RAP1A: variants seen among roughly 807,000 people sequenced by gnomAD.
The protein encoded by RAP1A is RAP1A, member of RAS oncogene family.
A neutral mutation model predicts 26.4 loss-of-function variants in RAP1A; 6 were observed. The observed-to-expected ratio is 0.23, with a 90% CI of 0.12 to 0.45. RAP1A has a LOEUF of 0.45. RAP1A is among the 20% of genes least tolerant of loss of function. The probability of loss-of-function intolerance (pLI) is 0.99; values close to 1 mark genes in which losing one functional copy is unlikely to be tolerated. For missense variants in RAP1A, 121 were observed against 217.2 expected (o/e 0.56, Z 2.78); for synonymous variants, 73 against 79.4 (o/e 0.92, Z 0.43).
At chr1:111,651,472 A>AT (rs1660266506) in intron 1 of RAP1A, among the ~76,000 whole-genome samples, 6 of 137,178 alleles carry the variant, frequency 4.4e-5, no homozygotes, top group Non-Finnish European at 6.3e-5. Context: ...ATATATATAT[A>AT]ATTTTTTTTT....
At chr1:111,629,191 T>C (rs988735517) in intron 1 of RAP1A, among the ~76,000 whole-genome samples, 6 of 152,156 alleles carry the variant, frequency 3.9e-5, no homozygotes, top group African/African-American at 1.4e-4. Context: ...AAGTAAAATA[T>C]AGGAGCAAAA....
intron 1 of RAP1A, among the ~76,000 whole-genome samples, chr1:111,577,141 G>A (rs946887581): frequency 3.3e-5 from 5 of 152,174 alleles, no homozygotes; most frequent in South Asian, 2.1e-4. Context: ...GGTGGCTCAC[G>A]CCTGTAATCC....
intron 1 of RAP1A, among the ~76,000 whole-genome samples, chr1:111,607,569 T>C (rs940475937): frequency 1.1e-4 from 16 of 149,030 alleles, no homozygotes; most frequent in Non-Finnish European, 2.2e-4. Flanking sequence ...GAGGGGCTCC[T>C]CACTTCCCAG....
intron 1 of RAP1A, chr1:111,563,700 C>T: frequency 1.6e-6 from 1 of 620,400 alleles, no homozygotes; most frequent in East Asian, 2.7e-5. Context: ...CTGTGGAATA[C>T]AAATTATCTC....
At chr1:111,649,721 G>C (rs372910701) in intron 1 of RAP1A, among the ~76,000 whole-genome samples, 102 of 152,256 alleles carry the variant, frequency 6.7e-4, no homozygotes, top group African/African-American at 2.3e-3. Context: ...TTAGCAGAGA[G>C]GTTAGTATTT....
At chr1:111,684,498 TAAC>T (rs932839646) in intron 1 of RAP1A, among the ~76,000 whole-genome samples, 4 of 150,760 alleles carry the variant, frequency 2.7e-5, no homozygotes, top group African/African-American at 9.7e-5. Flanking sequence ...TATACACTAA[TAAC>T]AGCCAAATCA....
intron 1 of RAP1A, among the ~76,000 whole-genome samples, chr1:111,681,910 T>C (rs1363109141): frequency 6.6e-6 from 1 of 152,074 alleles, no homozygotes; most frequent in Non-Finnish European, 1.5e-5. Flanking sequence ...TCACCAAGGT[T>C]GAAACGAAGG....
intron 1 of RAP1A, chr1:111,686,474 C>T (rs1661481992): frequency 6.6e-6 from 1 of 151,180 alleles, no homozygotes; most frequent in South Asian, 2.1e-4. Flanking sequence ...GAGTTTGAGA[C>T]TAGCCTGGGC....
chr1:111,600,622 T>C (rs1658653950), intron 1 of RAP1A, among the ~76,000 whole-genome samples: 1 of 152,214 alleles, frequency 6.6e-6, no homozygotes, highest in Non-Finnish European at 1.5e-5. Context: ...AGGACACTGC[T>C]TTGTAGATGG....
At chr1:111,646,609 C>G (rs1039683472) in intron 1 of RAP1A, among the ~76,000 whole-genome samples, 1 of 151,880 alleles carries the variant, frequency 6.6e-6, no homozygotes, top group Non-Finnish European at 1.5e-5. Context: ...GGTGCAATCT[C>G]GGCTCACTGC....
chr1:111,637,554 A>G lies in RAP1A; in HGVS notation c.-28+17620A>G, dbSNP rs1659763051. On this transcript the variant is annotated intron_variant, in intron 1 of 7. Coordinates refer to ENST00000369709, the MANE Select transcript of RAP1A (RefSeq NM_002884.4). The stretch of plus-strand genomic sequence containing the variant: ...TGTTGAGAATGCATGCAATAAGCCA[A>G]AAGAAAAATCACCTTTAATTTTACC... 3.3e-5 allele frequency among the ~76,000 whole-genome samples: 5 copies of G among 152,348 alleles called. No individual in the cohort carries two copies. In the South Asian group the frequency reaches 1.0e-3, roughly 32 times the overall value.
intron 1 of RAP1A, among the ~76,000 whole-genome samples, chr1:111,632,893 C>A (rs1401654047): frequency 7.1e-6 from 1 of 140,594 alleles, no homozygotes; most frequent in African/African-American, 2.7e-5. Flanking sequence ...TGCACTGCAG[C>A]CTGGGCAACA....
At chr1:111,643,869 T>C (rs1266101428) in intron 1 of RAP1A, among the ~76,000 whole-genome samples, 2 of 152,212 alleles carry the variant, frequency 1.3e-5, no homozygotes, top group Non-Finnish European at 2.9e-5. Context: ...AGGAATTGGC[T>C]TATGTGATTG....
At chr1:111,671,961 ACT>A (rs1450883128) in intron 1 of RAP1A, among the ~76,000 whole-genome samples, 5 of 152,086 alleles carry the variant, frequency 3.3e-5, no homozygotes, top group African/African-American at 9.7e-5. Flanking sequence ...TAGAAATTAC[ACT>A]CTGTATGATT....
rs908413284 is a variant in RAP1A at position 111,560,444 on chromosome 1, A to G, written c.-28+17935A>G. 1.4e-4 allele frequency among the ~76,000 whole-genome samples: 17 copies of G among 125,324 alleles called. 1 individual carries two copies. The highest frequency in any genetic ancestry group is 1.6e-5 in the Non-Finnish European group (1 of 63,292). 82.2% of individuals were successfully genotyped at this position (125,324 alleles called of 152,430 possible). ...AATAGACTTTGTGGAACAGATTGAA[A>G]GAAGCCCTTGGTAGCAGGTACACAA... On this transcript the variant is annotated intron_variant, in intron 1 of 7. Transcript: ENST00000356415.
At chr1:111,636,657 A>G (rs1659737951) in intron 1 of RAP1A, among the ~76,000 whole-genome samples, 1 of 151,610 alleles carries the variant, frequency 6.6e-6, no homozygotes, top group Admixed American at 6.6e-5. Context: ...CTAATTTTGT[A>G]TTTTTAGTAG....
chr1:111,650,116 T>C (rs951841004), intron 1 of RAP1A, among the ~76,000 whole-genome samples: 3 of 139,186 alleles, frequency 2.2e-5, no homozygotes, highest in Admixed American at 7.0e-5. Flanking sequence ...TTTTTTTTTT[T>C]TTACATTTAC....
chr1:111,650,427 T>C (rs918828943), intron 1 of RAP1A: 5 of 152,180 alleles, frequency 3.3e-5, no homozygotes, highest in African/African-American at 1.2e-4. Context: ...AAATAGACCA[T>C]TGAAAAAACA....
chr1:111,666,609 G>T (rs76786282), intron 1 of RAP1A, among the ~76,000 whole-genome samples: 9,252 of 151,644 alleles, frequency 0.061, 298 homozygotes, highest in South Asian at 0.087. Context: ...ATGATATTCA[G>T]CAGTCTAATT....
Sources: allele counts gnomAD v4.1 joint callset (sites outside exome capture counted in the v4.1 genomes callset), GRCh38; gene constraint gnomAD v4.1.1; transcripts MANE v1.5; gene names NCBI Gene and HGNC (gene_info 2026-07-23, HGNC 2026-07-21).